GRM4: variants seen among roughly 807,000 people sequenced by gnomAD.
The protein encoded by GRM4 is metabotropic glutamate receptor 4.
In GRM4, 28 loss-of-function variants were observed where a neutral mutation model predicts 81.7. The observed-to-expected ratio is 0.34, with a 90% CI of 0.25 to 0.47. GRM4 has a LOEUF of 0.47. Among genes scored for constraint, GRM4 ranks in the 20% least tolerant of loss-of-function variants. The pLI is 1.00. For missense variants in GRM4, 948 were observed against 1,290.0 expected, an observed-to-expected ratio of 0.73 and a Z score of 4.06; for synonymous variants, 488 against 528.8, an observed-to-expected ratio of 0.92 and a Z score of 1.06.
At chr6:34,155,011 C>T in intron 1 of GRM4, 1 of 1,294,924 alleles carries the variant, frequency 7.7e-7, no homozygotes, top group Non-Finnish European at 1.0e-6. Context: ...TCTACGCCTC[C>T]CACAGTGCTG....
chr6:34,146,251 G>A (rs1770927671), upstream of GRM4: 2 of 568,118 alleles, frequency 3.5e-6, no homozygotes, highest in Middle Eastern at 1.8e-3. Context: ...GAGGCCCAGT[G>A]AGGTGACTCC....
intron 7 of GRM4, 73 bp downstream of exon 7, chr6:34,040,475 A>G (rs1331921119): frequency 6.8e-7 from 1 of 1,464,908 alleles, no homozygotes; most frequent in Non-Finnish European, 9.4e-7. Context: ...CACCCCACAG[A>G]GCCTAAGGGC....
Position 34,041,671 on chromosome 6 carries a change from G to A in GRM4, c.1169-923C>T, listed in dbSNP as rs945688626. Among the ~76,000 whole-genome samples the A allele has an allele frequency of 8.5e-5, 13 of 152,318 alleles. 1 individual carries two copies. The highest frequency in any genetic ancestry group is 8.8e-5 in the Non-Finnish European group (6 of 68,024). On this transcript the variant is annotated intron_variant, in intron 6 of 10. Transcript: ENST00000538487. ...ACACTTGACAGCCAGCAGATGGCTC[G>A]TCCACAGTGTCCTATGTGCTAAGTG...
At chr6:34,142,895 C>T (rs922478282) in intron 1 of GRM4, among the ~76,000 whole-genome samples, 31 of 152,228 alleles carry the variant, frequency 2.0e-4, no homozygotes, top group African/African-American at 6.5e-4. Context: ...GACATGCTCC[C>T]GCCTCCCCTC....
intron 2 of GRM4, among the ~76,000 whole-genome samples, chr6:34,103,258 C>A (rs544076472): frequency 1.6e-4 from 24 of 152,362 alleles, no homozygotes; most frequent in Middle Eastern, 3.4e-3. Flanking sequence ...AGGCAACAGG[C>A]CTTTGGACAA....
intron 6 of GRM4, 46 bp from the exon 7 acceptor site, chr6:34,040,794 C>G (rs375519773): frequency 6.7e-6 from 10 of 1,503,752 alleles, no homozygotes; most frequent in Non-Finnish European, 7.4e-6. Context: ...GGCCCACTGT[C>G]CTCACAGTGG....
At chr6:34,085,098 C>G (rs1436514944) in intron 3 of GRM4, among the ~76,000 whole-genome samples, 1 of 152,164 alleles carries the variant, frequency 6.6e-6, no homozygotes, top group African/African-American at 2.4e-5. Flanking sequence ...GCCCAGGGAA[C>G]AGGGCTGGTC....
intron 1 of GRM4, among the ~76,000 whole-genome samples, chr6:34,142,547 G>A (rs753502758): frequency 7.9e-5 from 12 of 152,184 alleles, no homozygotes; most frequent in South Asian, 2.1e-4. Context: ...GCTGTCCCCC[G>A]CAGCAGGGTG....
intron 2 of GRM4, among the ~76,000 whole-genome samples, chr6:34,102,661 C>A (rs1768903182): frequency 6.6e-6 from 1 of 152,218 alleles, no homozygotes; most frequent in Admixed American, 6.5e-5. Flanking sequence ...TTACTTATTT[C>A]ATTTAGTATC....
chr6:34,097,428 CCTGT>C (rs1768585374), intron 2 of GRM4, among the ~76,000 whole-genome samples: 2 of 55,426 alleles, frequency 3.6e-5, no homozygotes, highest in African/African-American at 1.5e-4. Context: ...TGTGTGCATG[CCTGT>C]GTGTGTGTGT....
intron 9 of GRM4, among the ~76,000 whole-genome samples, chr6:34,029,633 G>A (rs564465477): frequency 6.6e-6 from 1 of 152,334 alleles, no homozygotes; most frequent in South Asian, 2.1e-4. Context: ...CCTTCTGTGG[G>A]CCTCAGTTTT....
At chr6:34,049,115 A>C (rs945152459) in intron 6 of GRM4, among the ~76,000 whole-genome samples, 25 of 151,828 alleles carry the variant, frequency 1.6e-4, no homozygotes, top group African/African-American at 6.1e-4. Flanking sequence ...GTAGCTCCTC[A>C]TAAGAGGTGC....
chr6:34,061,854 A>C lies in GRM4; in HGVS notation c.872+39T>G, dbSNP rs201839296. 8 of 1,593,048 alleles carry C rather than the reference A, an allele frequency of 5.0e-6. No individual in the cohort carries two copies. In the African/African-American group the frequency reaches 9.4e-5, roughly 19 times the overall value. The stretch of plus-strand genomic sequence containing the variant: ...GACCCGTGGCTTTGCCCACACCTGC[A>C]TGGCTCCCGGTGCCCACCCTGCTGC... On this transcript the variant is annotated intron_variant, in intron 4 of 10. Coordinates refer to ENST00000538487, the MANE Select transcript of GRM4 (RefSeq NM_000841.4).
chr6:34,113,491 G>A (rs757730966), intron 2 of GRM4, among the ~76,000 whole-genome samples: 7 of 152,188 alleles, frequency 4.6e-5, no homozygotes, highest in Non-Finnish European at 7.3e-5. Flanking sequence ...TTGTTGAAAT[G>A]CCCACTTTAT....
Position 34,068,281 on chromosome 6 carries a change from C to G in GRM4, c.737-6253G>C, listed in dbSNP as rs1282545615. ...CTCGGGTCTGACTATTCTCTAGGAG[C>G]TGCTGCCTTGCCCGAGACCCCAGGA... On this transcript the variant is annotated intron_variant, in intron 3 of 10. Coordinates refer to ENST00000538487, the MANE Select transcript of GRM4 (RefSeq NM_000841.4). The surrounding 1 kb of genome is among the most constrained non-coding windows in gnomAD (Gnocchi z 4.2). Among the ~76,000 whole-genome samples the G allele has an allele frequency of 6.6e-6, 1 of 152,158 alleles. No individual in the cohort carries two copies. The highest frequency in any genetic ancestry group is 2.4e-5 in the African/African-American group (1 of 41,440).
chr6:34,121,000 T>C (rs1414774969), intron 2 of GRM4, among the ~76,000 whole-genome samples: 1 of 152,232 alleles, frequency 6.6e-6, no homozygotes, highest in Non-Finnish European at 1.5e-5. Context: ...TCTATAATTT[T>C]CCATATGTTT....
In GRM4 at chr6:34,057,082, G is replaced by A. The variant is rs963001370; in HGVS notation, c.1028-398C>T. Reference sequence around the variant, plus strand: ...TGAAGAGGAGACCAGGCCAGACAAGGAGGGAGGGAACCACCCAGATCACAC... The same window carrying A: ...TGAAGAGGAGACCAGGCCAGACAAGAAGGGAGGGAACCACCCAGATCACAC... On this transcript the variant is annotated intron_variant, in intron 5 of 10. Transcript: ENST00000538487. Among the ~76,000 whole-genome samples, 70 of 152,242 alleles carry A rather than the reference G, an allele frequency of 4.6e-4. 1 individual carries two copies. Among genetic ancestry groups the A allele is most frequent in the African/African-American group, 1.6e-3 (68 of 41,544 alleles).
chr6:34,118,381 C>T (rs550069294), intron 2 of GRM4, among the ~76,000 whole-genome samples: 2 of 152,328 alleles, frequency 1.3e-5, no homozygotes, highest in South Asian at 4.1e-4. Context: ...ACTAGGAGGA[C>T]ACACTCATGA....
In GRM4 at chr6:34,136,663, C is replaced by T. The variant is rs535369668; in HGVS notation, c.-363-2804G>A. On this transcript the variant is annotated intron_variant, in intron 1 of 10. Coordinates refer to ENST00000538487, the MANE Select transcript of GRM4 (RefSeq NM_000841.4). This position sits in a 1 kb window ranked among gnomAD's most constrained non-coding sequence, Gnocchi z 4.1. Reference sequence around the variant, plus strand: ...CTCCAAGAGGAGAAAGGCAAACACCCGCAGATTAGAATCAAGAGCCTGGAG... The same window carrying T: ...CTCCAAGAGGAGAAAGGCAAACACCTGCAGATTAGAATCAAGAGCCTGGAG... Among the ~76,000 whole-genome samples the T allele has an allele frequency of 5.9e-4, 89 of 152,050 alleles. No individual in the cohort carries two copies. The highest frequency in any genetic ancestry group is 1.7e-3 in the African/African-American group (71 of 41,482).
Sources: allele counts gnomAD v4.1 joint callset (sites outside exome capture counted in the v4.1 genomes callset), GRCh38; gene constraint gnomAD v4.1.1; non-coding constraint Gnocchi (gnomAD v3.1); transcripts MANE v1.5; gene names NCBI Gene and HGNC (gene_info 2026-07-23, HGNC 2026-07-21).